The following TBC1D8 variants were observed in gnomAD, a reference collection of about 807,000 sequenced individuals.
TBC1D8 encodes TBC1 domain family member 8, also known as BUB2-like protein 1.
A neutral mutation model predicts 118.8 loss-of-function variants in TBC1D8; 65 were observed. The ratio of observed to expected loss-of-function variants is 0.55; its 90% CI spans 0.45 to 0.67. The LOEUF is 0.67. TBC1D8 is among the 30% of genes least tolerant of loss of function. The pLI, the probability that TBC1D8 is intolerant of heterozygous loss-of-function variation, is 0.00. For missense variants in TBC1D8, 1,376 were observed against 1,471.2 expected (o/e 0.94, Z 1.06); for synonymous variants, 566 against 595.8 (o/e 0.95, Z 0.73).
intron 8 of TBC1D8, among the ~76,000 whole-genome samples, chr2:101,037,225 G>A (rs868547788): frequency 1.3e-5 from 2 of 152,226 alleles, no homozygotes; most frequent in African/African-American, 2.4e-5. Flanking sequence ...GGGGCACACA[G>A]ACAGCACTGG....
intron 11 of TBC1D8, among the ~76,000 whole-genome samples, chr2:101,030,407 CAA>C (rs765126505): frequency 1.3e-5 from 2 of 152,172 alleles, no homozygotes; most frequent in African/African-American, 4.8e-5. Context: ...GGTCAGGAAG[CAA>C]AGAGACATCA....
chr2:101,027,015 G>C (rs972389605), intron 15 of TBC1D8, among the ~76,000 whole-genome samples: 5 of 152,206 alleles, frequency 3.3e-5, no homozygotes, highest in African/African-American at 1.2e-4. Context: ...AGTATTATCA[G>C]GTGATGATTT....
At position 101,031,392 on chromosome 2, in the gene TBC1D8, T is replaced by A. The variant is rs574275609; in HGVS notation, c.1936+876A>T. 5.6e-4 allele frequency among the ~76,000 whole-genome samples: 85 copies of A among 152,228 alleles called. 1 individual carries two copies. The highest frequency in any genetic ancestry group is 1.9e-3 in the African/African-American group (78 of 41,540). On this transcript the variant is annotated intron_variant, in intron 11 of 19. Coordinates refer to ENST00000409318, the MANE Select transcript of TBC1D8 (RefSeq NM_001330348.2). ...CCTCCTTATTCCTAGAGGCCACCCT[T>A]CAGTCCTTAGGACACAGTCTTCAAG...
At chr2:101,034,397 T>A (rs1680870935) in intron 9 of TBC1D8, among the ~76,000 whole-genome samples, 1 of 152,078 alleles carries the variant, frequency 6.6e-6, no homozygotes, top group Non-Finnish European at 1.5e-5. Flanking sequence ...GTGAGGCACA[T>A]CAAGGGGGCG....
intron 17 of TBC1D8, among the ~76,000 whole-genome samples, chr2:101,016,512 G>A (rs1679647518): frequency 1.3e-5 from 2 of 152,196 alleles, no homozygotes; most frequent in African/African-American, 4.8e-5. Context: ...GGAAGTCAGT[G>A]TGGCGATTCC....
Position 101,029,713 on chromosome 2 carries a change from T to C in TBC1D8, c.2000A>G (p.Glu667Gly), listed in dbSNP as rs776237956. The C allele has an allele frequency of 3.7e-6, 6 of 1,613,880 alleles. No homozygotes were observed. Among genetic ancestry groups the C allele is most frequent in the Admixed American group, 3.3e-5 (2 of 60,006 alleles). ...LIKGHLPELA[E>G]HMNDLSALAS... ...CAGGGCTGAGAGGTCGTTCATGTGC[T>C]CTGCCAGCTCTGGGAGATGACCCTT... Residue 667 changes from glutamate (E) to glycine (G), a missense_variant, in exon 12 of 20, where the codon GAG becomes GGG. Glu to Gly is a moderately conservative substitution (Grantham distance 98). Transcript: ENST00000409318.
At position 101,054,230 on chromosome 2, in the gene TBC1D8, T is replaced by G. The variant is rs1163847353; in HGVS notation, c.509A>C (p.Glu170Ala). The G allele has an allele frequency of 6.2e-7, 1 of 1,609,550 alleles. No homozygotes were observed. Among genetic ancestry groups the G allele is most frequent in the Non-Finnish European group, 8.5e-7 (1 of 1,178,086 alleles). Residue 170 changes from glutamate to alanine, a missense_variant, in exon 4 of 20, where the codon GAG (glutamate) becomes GCG (alanine). By Grantham distance (107) the Glu-to-Ala change is moderately radical (BLOSUM62 -1). Coordinates refer to ENST00000409318, the MANE Select transcript of TBC1D8 (RefSeq NM_001330348.2). ...GTAGTAGGTGACCAGCTTCTCCGCCTCGGGGAAGTTGAACCTGGCCTCGAA... is the reference window on the plus strand; with the variant it reads ...GTAGTAGGTGACCAGCTTCTCCGCCGCGGGGAAGTTGAACCTGGCCTCGAA... ...VKFEARFNFP[E>A]AEKLVTYYSC...
intron 9 of TBC1D8, among the ~76,000 whole-genome samples, chr2:101,035,018 T>TG (rs376316461): frequency 1.1e-4 from 16 of 149,350 alleles, no homozygotes; most frequent in Non-Finnish European, 1.8e-4. Context: ...GGTTGGGGGC[T>TG]GGGGGGGAGA....
At chr2:101,014,101 AGTGGTGGCT>A (rs996510312) in intron 17 of TBC1D8, among the ~76,000 whole-genome samples, 1 of 152,090 alleles carries the variant, frequency 6.6e-6, no homozygotes, top group African/African-American at 2.4e-5. Flanking sequence ...CCAATTTCTT[AGTGGTGGCT>A]TCTTGACGAT....
In TBC1D8 at chr2:101,035,937, C is replaced by T. The variant is rs567634647; in HGVS notation, c.1603+81G>A. 77 of 1,508,894 alleles carry T rather than the reference C, an allele frequency of 5.1e-5. No individual in the cohort carries two copies. In the African/African-American group the frequency reaches 7.7e-4, roughly 15 times the overall value. 93.5% of individuals were successfully genotyped at this position (1,508,894 alleles called of 1,614,324 possible). ...CAGAACCATTTCATCTGCACATAAA[C>T]ACACGCGCTGCTCGGGTCCGGGCTG... On this transcript the variant is annotated intron_variant, in intron 9 of 19. Coordinates refer to ENST00000409318, the MANE Select transcript of TBC1D8 (RefSeq NM_001330348.2).
At chr2:101,081,732 T>A (rs1351241141) in intron 2 of TBC1D8, among the ~76,000 whole-genome samples, 1 of 152,224 alleles carries the variant, frequency 6.6e-6, no homozygotes, top group African/African-American at 2.4e-5. Flanking sequence ...ATTCAATTCT[T>A]AGAATGATCT....
At chr2:101,015,363 C>T (rs1679546721) in intron 17 of TBC1D8, among the ~76,000 whole-genome samples, 1 of 152,188 alleles carries the variant, frequency 6.6e-6, no homozygotes, top group Non-Finnish European at 1.5e-5. Context: ...GACATTACTG[C>T]ACACTGCCAT....
intron 2 of TBC1D8, among the ~76,000 whole-genome samples, chr2:101,084,567 C>T (rs550810585): frequency 2.0e-5 from 3 of 152,082 alleles, no homozygotes; most frequent in Non-Finnish European, 2.9e-5. Flanking sequence ...AAGAAACACA[C>T]ATCCCTTCCA....
Position 101,151,148 on chromosome 2 carries a change from C to T in TBC1D8, c.106G>A (p.Glu36Lys). 8.3e-7 allele frequency: 1 copy of T among 1,198,700 alleles called. No homozygotes were observed. Among genetic ancestry groups the T allele is most frequent in the Non-Finnish European group, 1.1e-6 (1 of 942,224 alleles). The allele number at this position is 1,198,700 out of a possible 1,614,324, so 74.3% of individuals were successfully genotyped here. The change falls in exon 1 of 20, where the codon GAG becomes AAG. Residue 36 changes from glutamate (E) to lysine (K), a missense_variant. By Grantham distance (56) the Glu-to-Lys change is moderately conservative. Transcript: ENST00000409318. ...FILQRRRGHG[E>K]GGGRLTGRLV... is the part of the protein sequence containing the mutation. ...TTACCGGTGAGGCGGCCGCCCCCCT[C>T]GCCGTGCCCGCGGCGCCGCTGCAGG...
At chr2:101,144,956 T>G (rs1185297823) in intron 1 of TBC1D8, among the ~76,000 whole-genome samples, 1 of 152,070 alleles carries the variant, frequency 6.6e-6, no homozygotes, top group African/African-American at 2.4e-5. Flanking sequence ...AAAATAAAAA[T>G]AAATAAATTC....
intron 1 of TBC1D8, among the ~76,000 whole-genome samples, chr2:101,123,421 G>A (rs574387923): frequency 3.3e-5 from 5 of 152,162 alleles, no homozygotes; most frequent in South Asian, 4.1e-4. Context: ...TTTGCTTGGC[G>A]ACCGTTCTAG....
intron 3 of TBC1D8, among the ~76,000 whole-genome samples, chr2:101,056,211 T>A (rs1309348798): frequency 0.021 from 1,267 of 60,156 alleles, 15 homozygotes; most frequent in African/African-American, 0.051. Flanking sequence ...ATTATTATTT[T>A]TTTTTTTTTT....
intron 11 of TBC1D8, among the ~76,000 whole-genome samples, chr2:101,031,168 G>A (rs914330412): frequency 6.6e-6 from 1 of 152,188 alleles, no homozygotes; most frequent in Non-Finnish European, 1.5e-5. Context: ...CAATGACGCC[G>A]AGCTTTTAAT....
At chr2:101,073,165 T>G (rs1324449046) in intron 2 of TBC1D8, among the ~76,000 whole-genome samples, 1 of 152,164 alleles carries the variant, frequency 6.6e-6, no homozygotes, top group African/African-American at 2.4e-5. Flanking sequence ...AAGAGGAGCT[T>G]TGAAGCCAGG....
Sources: allele counts gnomAD v4.1 joint callset (sites outside exome capture counted in the v4.1 genomes callset), GRCh38; gene constraint gnomAD v4.1.1; transcripts MANE v1.5; gene names NCBI Gene and HGNC (gene_info 2026-07-23, HGNC 2026-07-21).